NAMPT: variants seen among roughly 807,000 people sequenced by gnomAD.
The protein encoded by NAMPT is NAmPRTase.
Under a neutral mutation model 58.7 loss-of-function variants are expected in NAMPT, and 7 were observed. That is an observed-to-expected ratio of 0.12 (90% CI 0.07 to 0.22). The LOEUF (loss-of-function observed/expected upper bound fraction) is 0.22, where lower values mean the gene tolerates loss of function less well. Among genes scored for constraint, NAMPT ranks in the 10% least tolerant of loss-of-function variants. The probability of loss-of-function intolerance (pLI) is 1.00; values close to 1 mark genes in which losing one functional copy is unlikely to be tolerated. For missense variants in NAMPT, 271 were observed against 567.9 expected (o/e 0.48, Z 5.31); for synonymous variants, 145 against 198.1 (o/e 0.73, Z 2.25).
chr7:106,285,112 C>G (rs1792847298), upstream of NAMPT: 1 of 1,332,458 alleles, frequency 7.5e-7, no homozygotes, highest in Non-Finnish European at 9.7e-7. Context: ...AGTCTGGGAG[C>G]TCTGGCGGAC....
intron 2 of NAMPT, chr7:106,275,944 T>G (rs1792629047): frequency 1.3e-5 from 2 of 152,260 alleles, no homozygotes; most frequent in Admixed American, 1.3e-4. Flanking sequence ...AGGAAGGATC[T>G]CTGGAGCCTG....
At chr7:106,256,510 A>AT (rs1792201738) in intron 8 of NAMPT, among the ~76,000 whole-genome samples, 1 of 152,190 alleles carries the variant, frequency 6.6e-6, no homozygotes, top group Admixed American at 6.5e-5. Flanking sequence ...CTAAGAACAT[A>AT]TTTTTCATAC....
At chr7:106,285,179 C>G (rs550702474), upstream of NAMPT, 3,373 of 1,222,966 alleles carry the variant, frequency 2.8e-3, 19 homozygotes, top group Middle Eastern at 8.2e-3. Context: ...CGAGAAAGGG[C>G]GGGGCGCGGC....
chr7:106,263,250 T>C (rs1792343865), intron 7 of NAMPT, 142 bp downstream of exon 7: 1 of 645,802 alleles, frequency 1.5e-6, no homozygotes, highest in Non-Finnish European at 2.7e-6. Context: ...GGCAAATCTA[T>C]TACTCTCTCT....
chr7:106,284,500 AAGCCCCGAGCCCCGAGCCCCG>A (rs1036920276), intron 1 of NAMPT: 1 of 152,794 alleles, frequency 6.5e-6, no homozygotes, highest in African/African-American at 2.4e-5. Context: ...GGCGACGCCC[AAGCCCCGAGCCCCGAGCCCCG>A]AGCACCGGCG....
At chr7:106,252,242 A>G (rs1792116695) in intron 10 of NAMPT, among the ~76,000 whole-genome samples, 1 of 152,132 alleles carries the variant, frequency 6.6e-6, no homozygotes, top group Non-Finnish European at 1.5e-5. Flanking sequence ...CTTAGTAGGT[A>G]CAAGAGTTAC....
chr7:106,272,763 A>G (rs1009295912), intron 3 of NAMPT, 105 bp from the exon 4 acceptor site: 2 of 1,240,444 alleles, frequency 1.6e-6, no homozygotes, highest in African/African-American at 3.0e-5. Flanking sequence ...ATTTACTGTC[A>G]TAGAAATTGC....
At chr7:106,272,680 T>C in intron 3 of NAMPT, 22 bp from the exon 4 acceptor site, 1 of 1,611,202 alleles carries the variant, frequency 6.2e-7, no homozygotes, top group Non-Finnish European at 8.5e-7. Context: ...AAATGATAAA[T>C]TTATTTATTC....
At chr7:106,251,220 T>C (rs1315149511) in intron 10 of NAMPT, 27 bp from the exon 11 acceptor site, 15 of 1,432,968 alleles carry the variant, frequency 1.0e-5, no homozygotes, top group South Asian at 2.3e-5. Flanking sequence ...TTCATGATTA[T>C]ATTACATTAT....
At position 106,258,721 on chromosome 7, in the gene NAMPT, ATACCT is replaced by A. The variant is rs143326514; in HGVS notation, c.1089+2862_1089+2866del. ...CAATAGCATTATGTCTTAAAAATAC[ATACCT>A]TAATTAAAAATACTTCATTGCTAAA... On this transcript the variant is annotated intron_variant, in intron 8 of 10. Coordinates refer to ENST00000222553, the MANE Select transcript of NAMPT (RefSeq NM_005746.3). 2.6e-3 allele frequency among the ~76,000 whole-genome samples: 402 copies of A among 152,374 alleles called. 2 individuals carry two copies. The highest frequency in any genetic ancestry group is 9.3e-3 in the African/African-American group (388 of 41,598).
rs192299014 is a variant in NAMPT, at chr7:106,280,895, C to T, written c.58-3716G>A. The stretch of plus-strand genomic sequence containing the variant: ...GGTGGAGGTTGCCGTGAGCTGAGAT[C>T]GTGCCACTGCACTCCAGCCTGGGCA... On this transcript the variant is annotated intron_variant, in intron 1 of 10. Transcript: ENST00000222553. Among the ~76,000 whole-genome samples, 10 of 151,270 alleles carry T rather than the reference C, an allele frequency of 6.6e-5. No individual in the cohort carries two copies. The East Asian group carries it at 1.6e-3, about 23-fold the overall frequency.
At chr7:106,285,090 T>C (rs1016963840), upstream of NAMPT, 26 of 1,351,008 alleles carry the variant, frequency 1.9e-5, no homozygotes, top group Admixed American at 3.0e-5. Context: ...CTGCGGCGGC[T>C]CGCGTGCTCG....
At chr7:106,258,266 C>T (rs996908360) in intron 8 of NAMPT, among the ~76,000 whole-genome samples, 35 of 151,766 alleles carry the variant, frequency 2.3e-4, no homozygotes, top group Admixed American at 2.6e-4. Flanking sequence ...ACACCATCAC[C>T]GCAGAAATAC....
In NAMPT at chr7:106,274,808, T is replaced by C. The variant is rs924576349; in HGVS notation, c.318+138A>G. The C allele has an allele frequency of 3.9e-5, 23 of 587,042 alleles. No homozygotes were observed. In the East Asian group the frequency reaches 6.1e-4, roughly 16 times the overall value. The allele number at this position is 587,042 out of a possible 1,614,324, so 36.4% of individuals were successfully genotyped here. On this transcript the variant is annotated intron_variant, in intron 3 of 10. Transcript: ENST00000222553. ...AAGCAGAGGTTGCAGTGAGCCGAGA[T>C]TGTGCCACTGCACTCCAGCCTGGGT...
In NAMPT at chr7:106,252,952, T is replaced by C. The variant is rs1792129257; in HGVS notation, c.1365+65A>G. The stretch of plus-strand genomic sequence containing the variant: ...CAAAAACAATAACATAAAAACCTCC[T>C]TTCTTATTAATTTGGTGAGCCAACC... On this transcript the variant is annotated intron_variant, in intron 10 of 10. Transcript: ENST00000222553. The C allele has an allele frequency of 4.0e-5, 62 of 1,550,546 alleles. 1 individual carries two copies. The South Asian group carries it at 6.8e-4, about 17-fold the overall frequency.
intron 8 of NAMPT, among the ~76,000 whole-genome samples, chr7:106,255,206 C>T (rs1792179373): frequency 6.6e-6 from 1 of 152,178 alleles, no homozygotes; most frequent in Non-Finnish European, 1.5e-5. Context: ...GGACATACAA[C>T]TTTAAAGATG....
At chr7:106,257,616 T>G in intron 8 of NAMPT, among the ~76,000 whole-genome samples, 1 of 142,750 alleles carries the variant, frequency 7.0e-6, no homozygotes, top group African/African-American at 2.5e-5. Flanking sequence ...GGTGACAGAC[T>G]GAGTCCCTGT....
chr7:106,267,490 G>A (rs1485486448), intron 6 of NAMPT, among the ~76,000 whole-genome samples: 1 of 152,064 alleles, frequency 6.6e-6, no homozygotes, highest in Non-Finnish European at 1.5e-5. Context: ...ATTCCCTAAT[G>A]ATTATAGTAA....
intron 8 of NAMPT, among the ~76,000 whole-genome samples, chr7:106,258,664 T>G (rs1416827916): frequency 6.6e-6 from 1 of 152,248 alleles, no homozygotes; most frequent in Non-Finnish European, 1.5e-5. Flanking sequence ...ATAAAAGTTA[T>G]GTTTATACTA....
Sources: gnomAD v4.1 joint callset for allele counts (sites outside exome capture counted in the v4.1 genomes callset) on GRCh38, gnomAD v4.1.1 for gene constraint, MANE v1.5 for transcripts, NCBI Gene and HGNC (gene_info 2026-07-23, HGNC 2026-07-21) for gene names.